ELMO1: variants seen among roughly 807,000 people sequenced by gnomAD.
ELMO1 encodes engulfment and cell motility protein 1.
In ELMO1, 26 loss-of-function variants were observed where a neutral mutation model predicts 98.9. The ratio of observed to expected loss-of-function variants is 0.26; its 90% CI spans 0.19 to 0.36. ELMO1 has a LOEUF of 0.36. Among genes scored for constraint, ELMO1 ranks in the 10% least tolerant of loss-of-function variants. The pLI is 1.00. For synonymous variants in ELMO1, 346 were observed against 346.0 expected (o/e 1.00, Z 0.00); for missense variants, 627 against 935.2 (o/e 0.67, Z 4.30).
intron 16 of ELMO1, among the ~76,000 whole-genome samples, chr7:36,896,760 T>C (rs1240287943): frequency 6.6e-6 from 1 of 152,200 alleles, no homozygotes; most frequent in Admixed American, 6.5e-5. Context: ...TTACATCATG[T>C]GGCATAAATG....
intron 4 of ELMO1, among the ~76,000 whole-genome samples, chr7:37,293,044 G>T (rs368327153): frequency 2.5e-5 from 1 of 40,044 alleles, no homozygotes; most frequent in African/African-American, 6.3e-5. Context: ...GGAGGGAGGT[G>T]GGGGGGTCAG....
chr7:37,071,816 TTTG>T (rs1284820384), intron 15 of ELMO1, among the ~76,000 whole-genome samples: 2 of 152,202 alleles, frequency 1.3e-5, no homozygotes, highest in Non-Finnish European at 2.9e-5. Context: ...CAAAACTAAC[TTTG>T]TTAATGCTCC....
At chr7:37,219,983 A>C (rs189199402) in intron 10 of ELMO1, among the ~76,000 whole-genome samples, 8 of 152,360 alleles carry the variant, frequency 5.3e-5, no homozygotes, top group Admixed American at 4.6e-4. Context: ...CGTCAAATTC[A>C]GACCAGCTGA....
chr7:37,044,578 A>G (rs961856432), intron 15 of ELMO1, among the ~76,000 whole-genome samples: 8 of 152,108 alleles, frequency 5.3e-5, no homozygotes, highest in Non-Finnish European at 1.0e-4. Context: ...AGCTCTCCCT[A>G]TGATGGGTGC....
chr7:37,059,836 G>A lies in ELMO1; in HGVS notation c.1300+36783C>T, dbSNP rs147872011. Reference sequence around the variant, plus strand: ...TGGCTCCAAATTACCACTCAGAGCTGGAAATGTGAAAAGCGAAAGGGATGA... The same window carrying A: ...TGGCTCCAAATTACCACTCAGAGCTAGAAATGTGAAAAGCGAAAGGGATGA... On this transcript the variant is annotated intron_variant, in intron 15 of 21. Coordinates refer to ENST00000310758, the MANE Select transcript of ELMO1 (RefSeq NM_014800.11). Among the ~76,000 whole-genome samples the A allele has an allele frequency of 2.4e-4, 37 of 152,328 alleles. No individual in the cohort carries two copies. The East Asian group carries it at 5.6e-3, about 23-fold the overall frequency.
intron 15 of ELMO1, among the ~76,000 whole-genome samples, chr7:37,055,824 GTTACACC>G (rs1226366576): frequency 1.1e-4 from 16 of 152,266 alleles, no homozygotes; most frequent in African/African-American, 3.9e-4. Context: ...GCACCCTGGA[GTTACACC>G]ATCCAGGTAC....
intron 15 of ELMO1, among the ~76,000 whole-genome samples, chr7:37,068,323 G>A (rs1053759036): frequency 1.3e-5 from 2 of 152,134 alleles, no homozygotes; most frequent in East Asian, 1.9e-4. Context: ...TCTTGAACCC[G>A]CTCTAGGAAA....
rs534740990 is a variant in ELMO1, at chr7:36,889,825, T to G, written c.1602-2153A>C. ...CAAGAGTTACTCCCCGCTTTTTTTT[T>G]GTTATAAGCCTCAAAGGACTACAAA... On this transcript the variant is annotated intron_variant, in intron 17 of 21. Transcript: ENST00000310758. 2.0e-5 allele frequency among the ~76,000 whole-genome samples: 3 copies of G among 152,310 alleles called. No homozygotes were observed. In the South Asian group the frequency reaches 6.2e-4, roughly 32 times the overall value.
chr7:37,271,868 T>C lies in ELMO1; in HGVS notation c.207A>G (p.Ile69Met), dbSNP rs1344333801. The change falls in exon 5 of 22, where the codon ATA (isoleucine) becomes ATG (methionine). Residue 69 changes from isoleucine to methionine, a missense_variant. Around this residue, in one of 3 missense-constraint regions of ELMO1, gnomAD observed 123 missense variants for 171.2 expected, o/e 0.72. Transcript: ENST00000310758. ...TTAATCGAAGGATAGTGCCATTTTTTATCTCATTGCGGTTCTGGAAAAGAA... is the reference window on the plus strand; with the variant it reads ...TTAATCGAAGGATAGTGCCATTTTTCATCTCATTGCGGTTCTGGAAAAGAA... Reference protein sequence around the residue: ...FYITEKNRNEIKNGTILRLTT... With the variant: ...FYITEKNRNEMKNGTILRLTT... 6.2e-7 allele frequency: 1 copy of C among 1,614,056 alleles called. No homozygotes were observed. Among genetic ancestry groups the C allele is most frequent in the African/African-American group, 1.3e-5 (1 of 75,062 alleles).
chr7:36,985,890 G>C, intron 16 of ELMO1: 1 of 999,160 alleles, frequency 1.0e-6, no homozygotes, highest in Non-Finnish European at 1.2e-6. Context: ...GATAATACCG[G>C]TGGACACATG....
intron 15 of ELMO1, among the ~76,000 whole-genome samples, chr7:37,086,305 G>A (rs74992958): frequency 0.035 from 5,352 of 151,140 alleles, 320 homozygotes; most frequent in African/African-American, 0.12. Context: ...TTGGCTAAAA[G>A]AAACATTTTT....
At chr7:37,195,065 C>G (rs536060276) in intron 13 of ELMO1, among the ~76,000 whole-genome samples, 7 of 152,320 alleles carry the variant, frequency 4.6e-5, no homozygotes, top group African/African-American at 9.6e-5. Context: ...CAAGTACAAA[C>G]TACGTGCTGA....
chr7:37,096,710 A>G lies in ELMO1; in HGVS notation c.1209T>C (p.Ser403=). 1.2e-6 allele frequency: 2 copies of G among 1,614,110 alleles called. No homozygotes were observed. Among genetic ancestry groups the G allele is most frequent in the East Asian group, 4.5e-5 (2 of 44,878 alleles). The part of the protein sequence containing the change: ...DAYIRIVLEN[S]SREDKHECPF... ...GACATTCATGCTTGTCTTCTCGACTACTGTTCTCAAGCACAATCTGTAATG... is the reference window on the plus strand; with the variant it reads ...GACATTCATGCTTGTCTTCTCGACTGCTGTTCTCAAGCACAATCTGTAATG... The change falls in exon 15 of 22, where the codon AGT becomes AGC. Residue 403 remains serine, a synonymous_variant. Transcript: ENST00000310758.
chr7:37,114,938 T>C (rs561103371), intron 14 of ELMO1, among the ~76,000 whole-genome samples: 2 of 152,204 alleles, frequency 1.3e-5, no homozygotes, highest in South Asian at 2.1e-4. Context: ...ACTTTATGGA[T>C]CTCATGTATA....
chr7:37,312,525 C>T (rs1269312673), intron 4 of ELMO1, among the ~76,000 whole-genome samples: 1 of 152,150 alleles, frequency 6.6e-6, no homozygotes, highest in Non-Finnish European at 1.5e-5. Flanking sequence ...ATGAGACTGC[C>T]CAGAGGGTGC....
intron 13 of ELMO1, among the ~76,000 whole-genome samples, chr7:37,200,206 T>G (rs1033963148): frequency 6.6e-6 from 1 of 151,620 alleles, no homozygotes. Context: ...CCCAAGCAGC[T>G]GGGACTACAG....
intron 9 of ELMO1, among the ~76,000 whole-genome samples, chr7:37,222,910 G>C (rs1234125123): frequency 1.3e-5 from 2 of 152,222 alleles, no homozygotes; most frequent in Non-Finnish European, 2.9e-5. Context: ...CAGTACACTG[G>C]TCAGTGCAGA....
At chr7:36,963,593 T>C (rs1789156426) in intron 16 of ELMO1, among the ~76,000 whole-genome samples, 1 of 152,168 alleles carries the variant, frequency 6.6e-6, no homozygotes, top group African/African-American at 2.4e-5. Context: ...TTTTTCCTTT[T>C]AGGATGCCTA....
In ELMO1 at chr7:37,416,155, AGGC is replaced by A. The variant is rs147716488; in HGVS notation, c.-74+32517_-74+32519del. On this transcript the variant is annotated intron_variant, in intron 1 of 21. Transcript: ENST00000310758. ...TTCCATCTAAAGCTAAGCTTTACTT[AGGC>A]TTTCAAATTGTTGCACTTACTTCCT... Among the ~76,000 whole-genome samples, 1,026 of 152,332 alleles carry A rather than the reference AGGC, an allele frequency of 6.7e-3. 10 individuals are homozygous for A. Among genetic ancestry groups the A allele is most frequent in the African/African-American group, 0.023 (965 of 41,570 alleles).
Sources: gnomAD v4.1 joint callset for allele counts (sites outside exome capture counted in the v4.1 genomes callset) on GRCh38, gnomAD v4.1.1 for gene constraint, gnomAD v4.1.1 regional missense constraint, MANE v1.5 for transcripts, NCBI Gene and HGNC (gene_info 2026-07-23, HGNC 2026-07-21) for gene names.